The following TNR variants were observed in gnomAD, a reference collection of about 807,000 sequenced individuals.
TNR encodes tenascin-R.
A neutral mutation model predicts 150.4 loss-of-function variants in TNR; 45 were observed. That is an observed-to-expected ratio of 0.30 (90% confidence interval 0.24 to 0.38). The LOEUF (loss-of-function observed/expected upper bound fraction) is 0.38. Ranked by LOEUF, TNR falls within the 10% of genes least tolerant of loss-of-function variation. TNR has a pLI of 1.00. For synonymous variants in TNR, 687 were observed against 678.4 expected (o/e 1.01, Z -0.20); for missense variants, 1,544 against 1,759.1 (o/e 0.88, Z 2.19).
chr1:175,604,473 A>G (rs1663350341), intron 1 of TNR, among the ~76,000 whole-genome samples: 1 of 152,204 alleles, frequency 6.6e-6, no homozygotes, highest in Non-Finnish European at 1.5e-5. Context: ...ACTCGGGCCA[A>G]GGAAGGTCAC....
intron 2 of TNR, among the ~76,000 whole-genome samples, chr1:175,423,062 T>C (rs1314150780): frequency 6.6e-6 from 1 of 152,210 alleles, no homozygotes; most frequent in African/African-American, 2.4e-5. Context: ...GAGCAAGTCG[T>C]GTGACTGCTC....
chr1:175,506,730 A>C (rs1258056821), intron 2 of TNR, among the ~76,000 whole-genome samples: 1 of 152,240 alleles, frequency 6.6e-6, no homozygotes, highest in Non-Finnish European at 1.5e-5. Flanking sequence ...CACAATCTGC[A>C]ATCACTTGCT....
intron 1 of TNR, among the ~76,000 whole-genome samples, chr1:175,647,946 G>A (rs998990543): frequency 2.0e-5 from 3 of 152,062 alleles, no homozygotes; most frequent in African/African-American, 7.2e-5. Context: ...CAGGTGGCAG[G>A]AGCTTTGGCT....
intron 1 of TNR, among the ~76,000 whole-genome samples, chr1:175,708,590 A>G (rs1666906453): frequency 6.6e-6 from 1 of 152,186 alleles, no homozygotes; most frequent in Non-Finnish European, 1.5e-5. Context: ...AATGCATGGA[A>G]GGATCGTGGA....
chr1:175,695,639 A>G (rs901700194), intron 1 of TNR, among the ~76,000 whole-genome samples: 2 of 152,150 alleles, frequency 1.3e-5, no homozygotes, highest in Admixed American at 1.3e-4. Context: ...CTCTTTCTAG[A>G]ATGTACCCCT....
At chr1:175,471,860 TA>T (rs1657308301) in intron 2 of TNR, among the ~76,000 whole-genome samples, 1 of 152,246 alleles carries the variant, frequency 6.6e-6, no homozygotes, top group African/African-American at 2.4e-5. Flanking sequence ...TAACGTAACT[TA>T]AAACACAGAC....
chr1:175,452,598 C>G (rs1266317304), intron 2 of TNR, among the ~76,000 whole-genome samples: 1 of 152,140 alleles, frequency 6.6e-6, no homozygotes, highest in Non-Finnish European at 1.5e-5. Flanking sequence ...ATGGCTGTAG[C>G]CTGGGAAGTT....
chr1:175,599,128 G>A lies in TNR; in HGVS notation c.-164-70759C>T, dbSNP rs983962099. 2.0e-5 allele frequency among the ~76,000 whole-genome samples: 3 copies of A among 152,194 alleles called. No individual in the cohort carries two copies. Among genetic ancestry groups the A allele is most frequent in the East Asian group, 1.9e-4 (1 of 5,190 alleles). The stretch of plus-strand genomic sequence containing the variant: ...CTCTATGGGCCCCGGGTTGCGGGGG[G>A]TCACCAATTTGCAGAGCTGAGGGAG... On this transcript the variant is annotated intron_variant, in intron 1 of 22. Coordinates refer to ENST00000367674, the MANE Select transcript of TNR (RefSeq NM_003285.3). This position sits in a 1 kb window ranked among gnomAD's most constrained non-coding sequence, Gnocchi z 4.7.
intron 1 of TNR, among the ~76,000 whole-genome samples, chr1:175,615,742 G>T (rs981759903): frequency 3.3e-5 from 5 of 152,172 alleles, no homozygotes; most frequent in Non-Finnish European, 2.9e-5. Context: ...GGTACTGAAT[G>T]GAGACAAGAA....
chr1:175,431,581 T>C (rs932499702), intron 2 of TNR, among the ~76,000 whole-genome samples: 18 of 152,148 alleles, frequency 1.2e-4, no homozygotes, highest in African/African-American at 4.3e-4. Context: ...ACTAGCTTAC[T>C]TGGAGTGGGC....
At chr1:175,517,506 G>T (rs1343996879) in intron 2 of TNR, among the ~76,000 whole-genome samples, 1 of 152,112 alleles carries the variant, frequency 6.6e-6, no homozygotes, top group African/African-American at 2.4e-5. Context: ...CTCCTTATAA[G>T]GGACACAGGT....
intron 2 of TNR, among the ~76,000 whole-genome samples, chr1:175,482,940 T>C (rs1210257551): frequency 1.3e-5 from 2 of 152,150 alleles, no homozygotes; most frequent in Admixed American, 1.3e-4. Flanking sequence ...CCTGGGGAAG[T>C]CTGCCATTCC....
At chr1:175,705,643 G>A (rs756463157) in intron 1 of TNR, among the ~76,000 whole-genome samples, 1 of 151,966 alleles carries the variant, frequency 6.6e-6, no homozygotes, top group African/African-American at 2.4e-5. Context: ...TAGTTATACT[G>A]GTCTTAGGTA....
intron 2 of TNR, among the ~76,000 whole-genome samples, chr1:175,517,677 T>C (rs1390150699): frequency 6.6e-6 from 1 of 152,202 alleles, no homozygotes; most frequent in East Asian, 1.9e-4. Context: ...GGTTTTAGTA[T>C]AGTTAGTCAA....
intron 1 of TNR, among the ~76,000 whole-genome samples, chr1:175,585,585 C>T (rs1446610124): frequency 2.0e-5 from 3 of 152,152 alleles, no homozygotes; most frequent in Non-Finnish European, 4.4e-5. Flanking sequence ...GATTCCAAAG[C>T]CCATGTTCTT....
chr1:175,368,745 T>C (rs970759530), intron 9 of TNR, among the ~76,000 whole-genome samples: 2 of 152,100 alleles, frequency 1.3e-5, no homozygotes, highest in African/African-American at 4.8e-5. Flanking sequence ...AGGTCAGGAG[T>C]TCGAGACCAG....
chr1:175,525,776 C>A (rs1243653719), intron 2 of TNR, among the ~76,000 whole-genome samples: 3 of 152,218 alleles, frequency 2.0e-5, no homozygotes, highest in Non-Finnish European at 1.5e-5. Context: ...TCTGTAAGAG[C>A]AGCTACATTT....
At chr1:175,541,286 G>T (rs886665766) in intron 1 of TNR, among the ~76,000 whole-genome samples, 4 of 152,202 alleles carry the variant, frequency 2.6e-5, no homozygotes, top group Non-Finnish European at 5.9e-5. Context: ...GCAGGAGAGG[G>T]TCAATAAGTA....
At chr1:175,506,578 A>G (rs1365408958) in intron 2 of TNR, among the ~76,000 whole-genome samples, 1 of 152,224 alleles carries the variant, frequency 6.6e-6, no homozygotes, top group African/African-American at 2.4e-5. Context: ...GCGTGGGGAA[A>G]AGGCCCTGTG....
Sources: allele counts gnomAD v4.1 joint callset (sites outside exome capture counted in the v4.1 genomes callset), GRCh38; gene constraint gnomAD v4.1.1; non-coding constraint Gnocchi (gnomAD v3.1); transcripts MANE v1.5; gene names NCBI Gene and HGNC (gene_info 2026-07-23, HGNC 2026-07-21).